Variants in TNRC6B observed in about 807,000 individuals in gnomAD.
The protein encoded by TNRC6B is trinucleotide repeat-containing gene 6B protein.
TNRC6B carries 52 observed loss-of-function variants against 203.6 expected under a neutral mutation model. The observed-to-expected ratio is 0.26, with a 90% CI of 0.20 to 0.32. TNRC6B has a LOEUF of 0.32. TNRC6B is among the 10% of genes least tolerant of loss of function. The probability of loss-of-function intolerance (pLI) is 1.00; values close to 1 mark genes in which losing one functional copy is unlikely to be tolerated. For synonymous variants in TNRC6B, 838 were observed against 845.7 expected, an observed-to-expected ratio of 0.99 and a Z score of 0.16; for missense variants, 1,923 against 2,286.2, an observed-to-expected ratio of 0.84 and a Z score of 3.24.
At chr22:40,165,320 G>T (rs2068909567) in intron 4 of TNRC6B, among the ~76,000 whole-genome samples, 2 of 151,854 alleles carry the variant, frequency 1.3e-5, no homozygotes, top group African/African-American at 4.8e-5. Context: ...AGTACTACAG[G>T]CACGCACTAC....
rs73420533 is a variant in TNRC6B at position 40,279,947 on chromosome 22, G to A, written c.3263-48G>A. On this transcript the variant is annotated intron_variant, in intron 9 of 22. Transcript: ENST00000454349. ...GGGCAGGTCACTCTTGGTTCATGGGGGAAACATTGATTCTGGAAATTTTCA... is the reference window on the plus strand; with the variant it reads ...GGGCAGGTCACTCTTGGTTCATGGGAGAAACATTGATTCTGGAAATTTTCA... 325 of 1,597,296 alleles carry A rather than the reference G, an allele frequency of 2.0e-4. 1 individual carries two copies. The African/African-American group carries it at 3.7e-3, about 18-fold the overall frequency.
intron 2 of TNRC6B, among the ~76,000 whole-genome samples, chr22:40,122,629 G>A (rs1331365864): frequency 6.6e-6 from 1 of 152,182 alleles, no homozygotes; most frequent in Admixed American, 6.5e-5. Context: ...GGAGTGGATT[G>A]TGTGCAGGTG....
intron 1 of TNRC6B, among the ~76,000 whole-genome samples, chr22:40,188,990 G>T (rs756512703): frequency 4.6e-5 from 7 of 152,122 alleles, no homozygotes; most frequent in Non-Finnish European, 2.9e-5. Flanking sequence ...CACTACTCAT[G>T]AGTTGCCCCA....
intron 1 of TNRC6B, among the ~76,000 whole-genome samples, chr22:40,093,862 A>G (rs1248738621): frequency 6.6e-6 from 1 of 152,204 alleles, no homozygotes; most frequent in Non-Finnish European, 1.5e-5. Context: ...ATACAGTTAG[A>G]TAAAATGAAT....
At position 40,335,419 on chromosome 22, in the gene TNRC6B, G is replaced by C. The variant is rs1354343038; in HGVS notation, c.*12178G>C. 1.3e-5 allele frequency: 2 copies of C among 148,512 alleles called. No individual in the cohort carries two copies. The highest frequency in any genetic ancestry group is 3.0e-5 in the Non-Finnish European group (2 of 67,454). The allele number at this position is 148,512 out of a possible 1,614,324, so 9.2% of individuals were successfully genotyped here. A position where few individuals can be genotyped will look rare whatever the true frequency, so the allele number is the denominator to read the frequency against. The stretch of plus-strand genomic sequence containing the variant: ...TACTAATGTACAAATAAGCTGAAAA[G>C]TTGCATTTTATGTGTATTTTTTGCC... On this transcript the variant is annotated 3_prime_UTR_variant, in exon 23 of 23. Coordinates refer to ENST00000454349, the MANE Select transcript of TNRC6B (RefSeq NM_001162501.2).
In TNRC6B at chr22:40,328,482, A is replaced by G. The variant is rs916955672; in HGVS notation, c.*5241A>G. The G allele has an allele frequency of 2.6e-5, 4 of 152,204 alleles. No homozygotes were observed. The highest frequency in any genetic ancestry group is 4.4e-5 in the Non-Finnish European group (3 of 68,036). The allele number at this position is 152,204 out of a possible 1,614,324, so 9.4% of individuals were successfully genotyped here. A position where few individuals can be genotyped will look rare whatever the true frequency, so the allele number is the denominator to read the frequency against. On this transcript the variant is annotated 3_prime_UTR_variant, in exon 23 of 23. Transcript: ENST00000454349. ...TTAACACATATATCTCGCAGAAACT[A>G]GAAGCTCATAGGCTGTTAACTTTTT... is the stretch of plus-strand genomic sequence containing the variant.
chr22:40,194,962 G>A (rs977358734), intron 1 of TNRC6B, among the ~76,000 whole-genome samples: 1 of 152,184 alleles, frequency 6.6e-6, no homozygotes, highest in African/African-American at 2.4e-5. Context: ...TGTAAACCCA[G>A]GGGAGACCTG....
intron 1 of TNRC6B, among the ~76,000 whole-genome samples, chr22:40,178,688 G>A (rs1023438110): frequency 3.3e-5 from 5 of 152,064 alleles, no homozygotes; most frequent in African/African-American, 7.2e-5. Context: ...GGTTGGGGGC[G>A]GGTGAACACC....
At chr22:40,236,003 A>AT (rs2069942380) in intron 1 of TNRC6B, among the ~76,000 whole-genome samples, 1 of 152,246 alleles carries the variant, frequency 6.6e-6, no homozygotes, top group Non-Finnish European at 1.5e-5. Context: ...GTAGGTTCAC[A>AT]TGCCAGAAGC....
chr22:40,174,325 G>A (rs1198730749), upstream of TNRC6B, among the ~76,000 whole-genome samples: 2 of 150,502 alleles, frequency 1.3e-5, no homozygotes, highest in Non-Finnish European at 3.0e-5. Flanking sequence ...GACTACAGGC[G>A]TGTGCCACCA....
rs938581395 is a variant in TNRC6B, at chr22:40,242,176, A to AAG, written c.6-3836_6-3835dup. Among the ~76,000 whole-genome samples, 7 of 102,456 alleles carry AAG rather than the reference A, an allele frequency of 6.8e-5. No homozygotes were observed. In the Admixed American group the frequency reaches 7.5e-4, roughly 11 times the overall value. 67.2% of individuals were successfully genotyped at this position (102,456 alleles called of 152,430 possible). A position where few individuals can be genotyped will look rare whatever the true frequency, so the allele number is the denominator to read the frequency against. ...CTCAGAGTGACAGAGCTAAGGGAATAAGAGTGTGTGTGTGTGTGTGTGTGT... is the reference window on the plus strand; with the variant it reads ...CTCAGAGTGACAGAGCTAAGGGAATAAGAGAGTGTGTGTGTGTGTGTGTGTGT... On this transcript the variant is annotated intron_variant, in intron 1 of 22. Transcript: ENST00000454349.
rs1011240189 is a variant in TNRC6B at position 40,323,529 on chromosome 22, A to G, written c.*288A>G. The G allele has an allele frequency of 1.6e-5, 4 of 257,586 alleles. No individual in the cohort carries two copies. The highest frequency in any genetic ancestry group is 2.9e-5 in the Non-Finnish European group (4 of 136,192). The allele number at this position is 257,586 out of a possible 1,614,324, so 16.0% of individuals were successfully genotyped here. A position where few individuals can be genotyped will look rare whatever the true frequency, so the allele number is the denominator to read the frequency against. On this transcript the variant is annotated 3_prime_UTR_variant, in exon 23 of 23. Transcript: ENST00000454349. ...GAAAGACAATGTGAAGCAAGTACAC[A>G]TACCATTTAAATTTAAACACAAAAA... is the stretch of plus-strand genomic sequence containing the variant.
intron 1 of TNRC6B, among the ~76,000 whole-genome samples, chr22:40,076,154 C>T (rs1029530936): frequency 6.6e-6 from 1 of 152,170 alleles, no homozygotes; most frequent in Non-Finnish European, 1.5e-5. Flanking sequence ...CGGTGGCTCA[C>T]GCCTGTAATC....
chr22:40,089,946 T>C (rs2146296036), intron 1 of TNRC6B, among the ~76,000 whole-genome samples: 1 of 152,348 alleles, frequency 6.6e-6, no homozygotes, highest in Middle Eastern at 3.4e-3. Flanking sequence ...ACATAGCCTT[T>C]TCATGATGGC....
intron 12 of TNRC6B, among the ~76,000 whole-genome samples, chr22:40,294,709 A>G (rs1371071688): frequency 6.6e-6 from 1 of 152,226 alleles, no homozygotes; most frequent in African/African-American, 2.4e-5. Context: ...GAATATATCT[A>G]TACTCACCCT....
intron 1 of TNRC6B, among the ~76,000 whole-genome samples, chr22:40,180,480 T>G (rs1211337794): frequency 6.6e-6 from 1 of 152,228 alleles, no homozygotes; most frequent in African/African-American, 2.4e-5. Context: ...TTATAAATAT[T>G]CTTTTCCCCT....
rs544762888 is a variant in TNRC6B, at chr22:40,212,594, G to A, written c.6-33421G>A. Among the ~76,000 whole-genome samples the A allele has an allele frequency of 8.0e-4, 121 of 152,164 alleles. 1 individual carries two copies. In the Middle Eastern group the frequency reaches 0.017, roughly 21 times the overall value. ...GCATGCATAGTGTCCTCTGTGGCTG[G>A]GCAGCTTTGCTCCTGCCTCTTGCCC... is the stretch of plus-strand genomic sequence containing the variant. On this transcript the variant is annotated intron_variant, in intron 1 of 22. Transcript: ENST00000454349.
At chr22:40,178,241 G>A in intron 1 of TNRC6B, 101 bp downstream of exon 1, 1 of 1,362,608 alleles carries the variant, frequency 7.3e-7, no homozygotes, top group Non-Finnish European at 1.0e-6. Flanking sequence ...GTCTAGCATG[G>A]AGACTGGCTT....
chr22:40,234,692 T>C (rs944356679), intron 1 of TNRC6B, among the ~76,000 whole-genome samples: 4 of 152,244 alleles, frequency 2.6e-5, no homozygotes, highest in Non-Finnish European at 5.9e-5. Context: ...AGAAATTTCT[T>C]TATCCCTTAA....
Sources: gnomAD v4.1 joint callset for allele counts (sites outside exome capture counted in the v4.1 genomes callset) on GRCh38, gnomAD v4.1.1 for gene constraint, MANE v1.5 for transcripts, NCBI Gene and HGNC (gene_info 2026-07-23, HGNC 2026-07-21) for gene names.